The following MARCHF1 variants were observed in gnomAD, a reference collection of about 807,000 sequenced individuals.
MARCHF1 encodes E3 ubiquitin-protein ligase MARCHF1.
A neutral mutation model predicts 54.2 loss-of-function variants in MARCHF1; 40 were observed. That is an observed-to-expected ratio of 0.74 (90% CI 0.57 to 0.96). The LOEUF (loss-of-function observed/expected upper bound fraction) is 0.96, where lower values mean the gene tolerates loss of function less well. Among genes scored for constraint, MARCHF1 ranks in the 40% least tolerant of loss-of-function variants. MARCHF1 has a pLI of 0.00. For missense variants in MARCHF1, 586 were observed against 656.5 expected (o/e 0.89, Z 1.17); for synonymous variants, 236 against 236.3 (o/e 1.00, Z 0.01).
At position 163,994,740 on chromosome 4, in the gene MARCHF1, TACACACACACACACAC is replaced by T. The variant is rs576243307; in HGVS notation, c.-247-6047_-247-6032del. Among the ~76,000 whole-genome samples, 632 of 119,236 alleles carry T rather than the reference TACACACACACACACAC, an allele frequency of 5.3e-3. 4 individuals are homozygous for T. The highest frequency in any genetic ancestry group is 8.3e-3 in the African/African-American group (263 of 31,646). 78.2% of individuals were successfully genotyped at this position (119,236 alleles called of 152,430 possible). A position where few individuals can be genotyped will look rare whatever the true frequency, so the allele number is the denominator to read the frequency against. On this transcript the variant is annotated intron_variant, in intron 2 of 9. Transcript: ENST00000514618. The stretch of plus-strand genomic sequence containing the variant: ...CCTAACAGTCCTAATCAAGCACACA[TACACACACACACACAC>T]ACACACACACACACACACACACACA...
At chr4:163,647,859 C>A (rs1397777688) in intron 5 of MARCHF1, among the ~76,000 whole-genome samples, 1 of 149,362 alleles carries the variant, frequency 6.7e-6, no homozygotes, top group Non-Finnish European at 1.5e-5. Context: ...AAAAGAAGAA[C>A]AAAAGAAGTC....
At chr4:163,724,944 C>A (rs1745605295) in intron 4 of MARCHF1, among the ~76,000 whole-genome samples, 2 of 152,110 alleles carry the variant, frequency 1.3e-5, no homozygotes, top group Admixed American at 6.5e-5. Flanking sequence ...TTCCCTGACC[C>A]CTTGCACTTC....
intron 4 of MARCHF1, among the ~76,000 whole-genome samples, chr4:163,842,863 CTCTT>C (rs1749380385): frequency 6.6e-6 from 1 of 152,104 alleles, no homozygotes; most frequent in Admixed American, 6.6e-5. Context: ...TATCCCCTCT[CTCTT>C]AACTTTTATT....
chr4:163,549,369 G>A (rs1285215951), intron 8 of MARCHF1, among the ~76,000 whole-genome samples: 1 of 151,744 alleles, frequency 6.6e-6, no homozygotes, highest in East Asian at 1.9e-4. Context: ...CTCTCCAAGG[G>A]GTCTCAAGGA....
At chr4:163,582,192 T>A (rs1740253475) in intron 8 of MARCHF1, among the ~76,000 whole-genome samples, 1 of 152,218 alleles carries the variant, frequency 6.6e-6, no homozygotes, top group African/African-American at 2.4e-5. Context: ...GTAGTCACTA[T>A]GCTTTCTTTA....
intron 3 of MARCHF1, among the ~76,000 whole-genome samples, chr4:163,987,347 T>A (rs1752888522): frequency 6.6e-6 from 1 of 152,188 alleles, no homozygotes; most frequent in African/African-American, 2.4e-5. Flanking sequence ...ATCTACAAAT[T>A]CTAGCCACAT....
At chr4:164,027,389 AAAAAG>A (rs1753792136) in intron 2 of MARCHF1, among the ~76,000 whole-genome samples, 1 of 144,978 alleles carries the variant, frequency 6.9e-6, no homozygotes, top group African/African-American at 2.6e-5. Flanking sequence ...AAAAAAAAAA[AAAAAG>A]ATACATAGAT....
At chr4:164,286,904 C>G (rs997811702) in intron 1 of MARCHF1, among the ~76,000 whole-genome samples, 1 of 149,564 alleles carries the variant, frequency 6.7e-6, no homozygotes. Flanking sequence ...AGAAATGTTA[C>G]AGGCAAAGAT....
intron 5 of MARCHF1, among the ~76,000 whole-genome samples, chr4:163,638,969 A>G (rs1369758404): frequency 6.6e-6 from 1 of 152,208 alleles, no homozygotes; most frequent in East Asian, 1.9e-4. Context: ...TTTTACTTAC[A>G]TAGGGTACCT....
intron 1 of MARCHF1, among the ~76,000 whole-genome samples, chr4:164,140,276 G>A (rs1756498616): frequency 6.8e-6 from 1 of 146,646 alleles, no homozygotes; most frequent in South Asian, 2.1e-4. Context: ...TGACCCAATT[G>A]TCCTATAGAA....
chr4:163,535,939 TTTTA>T (rs1387504329), intron 9 of MARCHF1, among the ~76,000 whole-genome samples: 5 of 152,040 alleles, frequency 3.3e-5, no homozygotes, highest in African/African-American at 1.2e-4. Flanking sequence ...TGCTTCTGAC[TTTTA>T]TTAGAGGCCA....
chr4:163,670,281 GA>G (rs1743687192), intron 5 of MARCHF1, among the ~76,000 whole-genome samples: 1 of 151,808 alleles, frequency 6.6e-6, no homozygotes, highest in Admixed American at 6.6e-5. Flanking sequence ...GGGAGAGAGA[GA>G]TTTTTTTATA....
At chr4:164,206,742 C>T (rs7667028) in intron 1 of MARCHF1, among the ~76,000 whole-genome samples, 9,309 of 152,078 alleles carry the variant, frequency 0.061, 329 homozygotes, top group Middle Eastern at 0.13. Context: ...ATAAACCTAA[C>T]TTTGAATTGG....
chr4:164,153,052 T>C (rs1044813099), intron 1 of MARCHF1, among the ~76,000 whole-genome samples: 1 of 152,206 alleles, frequency 6.6e-6, no homozygotes, highest in Non-Finnish European at 1.5e-5. Flanking sequence ...TCATGAGCCA[T>C]GATCACTCAT....
chr4:164,359,680 A>G (rs1730667527), intron 1 of MARCHF1, among the ~76,000 whole-genome samples: 1 of 152,158 alleles, frequency 6.6e-6, no homozygotes, highest in South Asian at 2.1e-4. Flanking sequence ...TTAACTATTT[A>G]TTGTTATTAT....
In MARCHF1 at chr4:164,310,110, G is replaced by A. The variant is rs544258710; in HGVS notation, c.-323+73760C>T. 1.5e-4 allele frequency among the ~76,000 whole-genome samples: 22 copies of A among 151,352 alleles called. 1 individual carries two copies. In the East Asian group the frequency reaches 2.3e-3, roughly 16 times the overall value. On this transcript the variant is annotated intron_variant, in intron 1 of 9. Transcript: ENST00000514618. ...TATTTATTTTTTGAGACAGAGTCTC[G>A]CTCTGTCGCCAGGCTGGTGTGCAGT...
chr4:163,893,225 C>T (rs535721393), intron 3 of MARCHF1, among the ~76,000 whole-genome samples: 138 of 152,198 alleles, frequency 9.1e-4, no homozygotes, highest in African/African-American at 2.8e-3. Flanking sequence ...CTGCAACCTC[C>T]GCCTTCCAGT....
chr4:163,630,889 G>C (rs1212464972), intron 5 of MARCHF1, among the ~76,000 whole-genome samples: 1 of 151,462 alleles, frequency 6.6e-6, no homozygotes, highest in South Asian at 2.1e-4. Flanking sequence ...AGAAATGCAA[G>C]GAAAAAGGAA....
intron 1 of MARCHF1, among the ~76,000 whole-genome samples, chr4:164,182,105 G>A (rs1730847623): frequency 6.6e-6 from 1 of 151,882 alleles, no homozygotes; most frequent in Non-Finnish European, 1.5e-5. Flanking sequence ...ACATTACATT[G>A]ACAAATAATT....
Sources: allele counts gnomAD v4.1 joint callset (sites outside exome capture counted in the v4.1 genomes callset), GRCh38; gene constraint gnomAD v4.1.1; transcripts MANE v1.5; gene names NCBI Gene and HGNC (gene_info 2026-07-23, HGNC 2026-07-21).